Variants in CYGB observed in about 807,000 individuals in gnomAD.
CYGB encodes the protein cytoglobin, also known as histoglobin.
CYGB carries 13 observed loss-of-function variants against 20.7 expected under a neutral mutation model. The observed-to-expected ratio is 0.63, with a 90% confidence interval of 0.41 to 1.00. CYGB has a LOEUF of 1.00. Ranked by LOEUF, CYGB falls within the 50% of genes least tolerant of loss-of-function variation. The probability of loss-of-function intolerance (pLI) is 0.00; values close to 1 mark genes in which losing one functional copy is unlikely to be tolerated. For synonymous variants in CYGB, 93 were observed against 107.4 expected (o/e 0.87, Z 0.83); for missense variants, 218 against 257.2 (o/e 0.85, Z 1.04).
Position 76,531,440 on chromosome 17 carries a change from C to CA in CYGB, c.375+19dup. ...TGACGCGTGGGCGGTGGGGGCTCTG[C>CA]AGCAGATGGGGGCGCATACCTTGAA... On this transcript the variant is annotated intron_variant, in intron 2 of 3. Transcript: ENST00000293230. The surrounding 1 kb of genome is among the most constrained non-coding windows in gnomAD (Gnocchi z 7.4). The CA allele has an allele frequency of 6.3e-7, 1 of 1,594,908 alleles. No homozygotes were observed. Among genetic ancestry groups the CA allele is most frequent in the Non-Finnish European group, 8.6e-7 (1 of 1,164,230 alleles).
At chr17:76,549,786 G>C (rs2075089146) in intron 1 of CYGB, among the ~76,000 whole-genome samples, 1 of 152,168 alleles carries the variant, frequency 6.6e-6, no homozygotes, top group African/African-American at 2.4e-5. Flanking sequence ...TAAATTGAGA[G>C]AAGCCAGACA....
At chr17:76,537,276 C>T (rs1040754600) in intron 1 of CYGB, 124 bp downstream of exon 1, 12 of 1,165,448 alleles carry the variant, frequency 1.0e-5, no homozygotes, top group Admixed American at 8.4e-5. Flanking sequence ...CCGCCGACCT[C>T]GGACCGGCCC....
intron 1 of CYGB, among the ~76,000 whole-genome samples, chr17:76,547,698 C>G (rs2143201112): frequency 6.6e-6 from 1 of 151,376 alleles, no homozygotes; most frequent in Admixed American, 6.6e-5. Context: ...TTCACACACA[C>G]AGACACACAC....
At position 76,530,986 on chromosome 17, in the gene CYGB, C is replaced by T. The variant is rs373422078; in HGVS notation, c.532G>A (p.Ala178Thr). Residue 178 changes from alanine (A) to threonine (T), a missense_variant, in exon 3 of 4, where the codon GCC (alanine) becomes ACC (threonine). Transcript: ENST00000293230. This position sits in a 1 kb window ranked among gnomAD's most constrained non-coding sequence, Gnocchi z 6.1. Reference protein sequence around the residue: ...EVGWVQQVPNATTPPATLPSS... With the variant: ...EVGWVQQVPNTTTPPATLPSS... ...CCTCGCCCGCCTCCTCACGTGGTGG[C>T]GTTGGGGACCTGCTGCACCCAGCCC... The T allele has an allele frequency of 2.0e-5, 32 of 1,602,768 alleles. No homozygotes were observed. The Middle Eastern group carries it at 6.7e-4, about 34-fold the overall frequency.
upstream of CYGB, chr17:76,542,491 G>A (rs1433920850): frequency 8.1e-6 from 13 of 1,596,156 alleles, no homozygotes; most frequent in Non-Finnish European, 1.1e-5. Context: ...AGGAAGAGGA[G>A]AGTCAGAAAC....
rs1447049603 is a variant in CYGB at position 76,537,459 on chromosome 17, C to A, written c.84G>T (p.Gln28His). ...TGGCATAGAGCCGGGCCCACATAGC[C>A]TGCACCGCCTTCCTCTCCGCCTCGG... ...ELSEAERKAV[Q>H]AMWARLYANC... Residue 28 changes from glutamine to histidine, a missense_variant, in exon 1 of 4, where the codon CAG becomes CAT. Physicochemically the swap from Gln to His is conservative, Grantham distance 24. This residue lies in a region of CYGB where 152 missense variants were observed against 149.9 expected (regional missense o/e 1.01). Coordinates refer to ENST00000293230, the MANE Select transcript of CYGB (RefSeq NM_134268.5). 3.8e-6 allele frequency: 6 copies of A among 1,598,076 alleles called. No individual in the cohort carries two copies. The highest frequency in any genetic ancestry group is 5.1e-6 in the Non-Finnish European group (6 of 1,172,814).
At chr17:76,549,438 C>T (rs998630932) in intron 1 of CYGB, among the ~76,000 whole-genome samples, 2 of 152,230 alleles carry the variant, frequency 1.3e-5, no homozygotes, top group Admixed American at 1.3e-4. Flanking sequence ...TGACATACCA[C>T]TACATGCCTA....
chr17:76,538,548 G>A (rs894281757), upstream of CYGB: 5 of 463,720 alleles, frequency 1.1e-5, no homozygotes, highest in African/African-American at 1.0e-4. Context: ...CCCAGCTGGT[G>A]GCGGAGGAAG....
chr17:76,529,042 GC>G, intron 3 of CYGB: 2 of 826,070 alleles, frequency 2.4e-6, no homozygotes, highest in Non-Finnish European at 2.7e-6. Flanking sequence ...TGCAGTCATT[GC>G]GCCCCCCCCC....
chr17:76,532,477 C>A (rs989519370), intron 1 of CYGB, among the ~76,000 whole-genome samples: 1 of 152,042 alleles, frequency 6.6e-6, no homozygotes, highest in African/African-American at 2.4e-5. Context: ...CTCTCACGCA[C>A]CCTCTGACCC....
chr17:76,540,593 T>C (rs749307328), upstream of CYGB: 2 of 1,611,708 alleles, frequency 1.2e-6, no homozygotes, highest in Admixed American at 1.7e-5. The surrounding 1 kb of genome is among the most constrained non-coding windows in gnomAD (Gnocchi z 5.0). Context: ...GAGTCTGGGC[T>C]GGGGGAGGGA....
At chr17:76,541,458 G>A (rs1188772757), upstream of CYGB, among the ~76,000 whole-genome samples, 1 of 152,186 alleles carries the variant, frequency 6.6e-6, no homozygotes, top group Non-Finnish European at 1.5e-5. Flanking sequence ...CTTTCTGAGT[G>A]GGGACCTGCC....
In CYGB at chr17:76,527,777, C is replaced by G. The variant is rs755793489; in HGVS notation, c.*801G>C. 1.5e-5 allele frequency: 7 copies of G among 453,932 alleles called. No individual in the cohort carries two copies. The highest frequency in any genetic ancestry group is 3.1e-5 in the Non-Finnish European group (7 of 226,746). 28.1% of individuals were successfully genotyped at this position (453,932 alleles called of 1,614,324 possible). On this transcript the variant is annotated 3_prime_UTR_variant, in exon 4 of 4. Coordinates refer to ENST00000293230, the MANE Select transcript of CYGB (RefSeq NM_134268.5). ...GGTTTCTGGACTGAGGCCCCTCCCCCAGTGCGGTCATCCCACCCAGAACTT... is the reference window on the plus strand; with the variant it reads ...GGTTTCTGGACTGAGGCCCCTCCCCGAGTGCGGTCATCCCACCCAGAACTT...
upstream of CYGB, chr17:76,540,621 C>T: frequency 1.9e-6 from 3 of 1,578,056 alleles, no homozygotes; most frequent in Non-Finnish European, 2.6e-6. The surrounding 1 kb of genome is among the most constrained non-coding windows in gnomAD (Gnocchi z 5.0). Context: ...GCCAAGGAAG[C>T]TGTGGCTGTG....
upstream of CYGB, among the ~76,000 whole-genome samples, chr17:76,541,066 G>A (rs765155286): frequency 2.0e-5 from 3 of 152,312 alleles, no homozygotes; most frequent in South Asian, 2.1e-4. Context: ...CAGACCCTGC[G>A]GGCAGGACGC....
intron 1 of CYGB, chr17:76,549,929 G>A (rs2075090400): frequency 1.3e-5 from 2 of 152,224 alleles, no homozygotes. Flanking sequence ...GACTGCAAGG[G>A]TAAGAAGGTT....
chr17:76,544,908 C>T lies in CYGB; in HGVS notation c.-53+5954G>A, dbSNP rs373405295. The T allele has an allele frequency of 7.9e-5, 36 of 456,678 alleles. No individual in the cohort carries two copies. In the East Asian group the frequency reaches 2.1e-3, roughly 26 times the overall value. The allele number at this position is 456,678 out of a possible 1,614,324, so 28.3% of individuals were successfully genotyped here. A position where few individuals can be genotyped will look rare whatever the true frequency, so the allele number is the denominator to read the frequency against. On this transcript the variant is annotated intron_variant, in intron 1 of 3. Transcript: ENST00000589145. ...GCAGCGCCCCTCCACGCCACTGTTC[C>T]GAGAACCTGCGCAGGAGGTGGTGGC...
chr17:76,527,936 C>T lies in CYGB; in HGVS notation c.*642G>A, dbSNP rs1394424833. On this transcript the variant is annotated 3_prime_UTR_variant, in exon 4 of 4. Coordinates refer to ENST00000293230, the MANE Select transcript of CYGB (RefSeq NM_134268.5). Reference sequence around the variant, plus strand: ...TGGTCTGAGAAGGGGCTGGGCTTTGCCGCCAAGCCGGGTTGCCCCAGCCCT... The same window carrying T: ...TGGTCTGAGAAGGGGCTGGGCTTTGTCGCCAAGCCGGGTTGCCCCAGCCCT... 2 of 389,720 alleles carry T rather than the reference C, an allele frequency of 5.1e-6. No individual in the cohort carries two copies. Among genetic ancestry groups the T allele is most frequent in the Admixed American group, 2.7e-5 (1 of 36,446 alleles). The allele number at this position is 389,720 out of a possible 1,614,324, so 24.1% of individuals were successfully genotyped here. A position where few individuals can be genotyped will look rare whatever the true frequency, so the allele number is the denominator to read the frequency against.
At chr17:76,540,589 G>T (rs975797148), upstream of CYGB, 5 of 1,612,372 alleles carry the variant, frequency 3.1e-6, no homozygotes, top group African/African-American at 6.7e-5. The surrounding 1 kb of genome is among the most constrained non-coding windows in gnomAD (Gnocchi z 5.0). Flanking sequence ...GCAGGAGTCT[G>T]GGCTGGGGGA....
Sources: gnomAD v4.1 joint callset for allele counts (sites outside exome capture counted in the v4.1 genomes callset) on GRCh38, gnomAD v4.1.1 for gene constraint, gnomAD v4.1.1 regional missense constraint, Gnocchi (gnomAD v3.1) non-coding constraint, MANE v1.5 for transcripts, NCBI Gene and HGNC (gene_info 2026-07-23, HGNC 2026-07-21) for gene names.